The following HPX variants were observed in gnomAD, a reference collection of about 807,000 sequenced individuals.
The protein encoded by HPX is hemopexin.
Under a neutral mutation model 53.8 loss-of-function variants are expected in HPX, and 42 were observed. The ratio of observed to expected loss-of-function variants is 0.78; its 90% CI spans 0.61 to 1.01. HPX has a LOEUF of 1.01. Among genes scored for constraint, HPX ranks in the 50% least tolerant of loss-of-function variants. The pLI, the probability that HPX is intolerant of heterozygous loss-of-function variation, is 0.00. For synonymous variants in HPX, 229 were observed against 221.1 expected (o/e 1.04, Z -0.32); for missense variants, 547 against 594.3 (o/e 0.92, Z 0.83).
intron 7 of HPX, chr11:6,432,301 C>A (rs1849361719): frequency 2.1e-6 from 1 of 466,478 alleles, no homozygotes; most frequent in Non-Finnish European, 3.9e-6. Flanking sequence ...GGCGGGCACT[C>A]CCTAAGGATT....
At position 6,437,069 on chromosome 11, in the gene HPX, T is replaced by G. The variant is rs146231448; in HGVS notation, c.812A>C (p.His271Pro). 4.9e-5 allele frequency: 79 copies of G among 1,613,976 alleles called. No individual in the cohort carries two copies. The highest frequency in any genetic ancestry group is 5.4e-5 in the Non-Finnish European group (64 of 1,180,000). ...ACCACTGAAGGCATAGGTGGCACCA[T>G]GGTTGTCAGACGTCAGTGCAGACAA... Reference protein sequence around the residue: ...LVLSALTSDNHGATYAFSGTH... With the variant: ...LVLSALTSDNPGATYAFSGTH... The change falls in exon 7 of 10, where the codon CAT (histidine) becomes CCT (proline). Residue 271 changes from histidine to proline, a missense_variant. Coordinates refer to ENST00000265983, the MANE Select transcript of HPX (RefSeq NM_000613.3).
Position 6,431,786 on chromosome 11 carries a change from G to C in HPX, c.984C>G (p.Val328=). The C allele has an allele frequency of 6.2e-7, 1 of 1,614,134 alleles. No homozygotes were observed. The highest frequency in any genetic ancestry group is 1.1e-5 in the South Asian group (1 of 91,088). The change falls in exon 9 of 10, where the codon GTC becomes GTG. Residue 328 remains valine, a synonymous_variant. Transcript: ENST00000265983. ...LYLVQGTQVY[V]FLTKGGYTLV... is the part of the protein sequence containing the mutation. ...GGGTATAGCCTCCCTTTGTCAGGAA[G>C]ACATATACCTGGGTGCCCTGGAGGA...
At chr11:6,433,119 G>A (rs1015096712) in intron 7 of HPX, among the ~76,000 whole-genome samples, 3 of 152,182 alleles carry the variant, frequency 2.0e-5, no homozygotes, top group African/African-American at 7.2e-5. Context: ...CTGAGTCCAC[G>A]AAAGCTGAGT....
chr11:6,435,976 T>C (rs1564955235), intron 7 of HPX, among the ~76,000 whole-genome samples: 2 of 152,240 alleles, frequency 1.3e-5, no homozygotes, highest in Non-Finnish European at 2.9e-5. Flanking sequence ...TCTCTCTTTC[T>C]GCATTTCACT....
chr11:6,438,148 A>T (rs1849440148), intron 5 of HPX: 1 of 607,882 alleles, frequency 1.6e-6, no homozygotes, highest in African/African-American at 1.8e-5. Context: ...GACTATTCAC[A>T]CAGAATTACA....
chr11:6,440,051 A>G (rs753371515), intron 4 of HPX, 114 bp downstream of exon 4: 6 of 1,388,500 alleles, frequency 4.3e-6, no homozygotes, highest in Non-Finnish European at 5.1e-6. Flanking sequence ...GGCACATGGG[A>G]AAGAAATCTG....
At chr11:6,433,771 T>C (rs987387366) in intron 7 of HPX, among the ~76,000 whole-genome samples, 3 of 152,250 alleles carry the variant, frequency 2.0e-5, no homozygotes, top group African/African-American at 4.8e-5. Flanking sequence ...CTAGGTAACC[T>C]GGCCACTGCC....
chr11:6,431,652 T>C lies in HPX; in HGVS notation c.1118A>G (p.His373Arg). ...CAGAAGCCCCTCACCTGCCATGATA[T>C]GGAGCCGAGAAGACCCAGGGCAGAT... ...AFICPGSSRL[H>R]IMAGRRLWWL... is the part of the protein sequence containing the mutation. Residue 373 changes from histidine to arginine, a missense_variant, in exon 9 of 10, where the codon CAT becomes CGT. Transcript: ENST00000265983. The C allele has an allele frequency of 1.2e-6, 2 of 1,613,736 alleles. No individual in the cohort carries two copies. Among genetic ancestry groups the C allele is most frequent in the South Asian group, 2.2e-5 (2 of 91,060 alleles).
intron 7 of HPX, among the ~76,000 whole-genome samples, chr11:6,434,006 A>AT (rs1849383221): frequency 6.6e-6 from 1 of 152,104 alleles, no homozygotes. Context: ...ATCCTGTCTT[A>AT]TTTTCTTTAC....
chr11:6,431,178 T>G lies in HPX; in HGVS notation c.*33A>C. ...GTCTTTATTATGAGGAACTAGGAGGTGGGGCCAGGCCAGACTCATGTCAGA... is the reference window on the plus strand; with the variant it reads ...GTCTTTATTATGAGGAACTAGGAGGGGGGGCCAGGCCAGACTCATGTCAGA... On this transcript the variant is annotated 3_prime_UTR_variant, in exon 10 of 10. Coordinates refer to ENST00000265983, the MANE Select transcript of HPX (RefSeq NM_000613.3). The G allele has an allele frequency of 6.2e-7, 1 of 1,610,754 alleles. No individual in the cohort carries two copies.
chr11:6,438,476 T>C lies in HPX; in HGVS notation c.370A>G (p.Lys124Glu), dbSNP rs528200467. ...DKVWVYPPEK[K>E]EKGYPKLLQD... Reference sequence around the variant, plus strand: ...AGCAACTTTGGGTATCCTTTCTCCTTCTTTTCAGGAGGGTATACCCAGACT... The same window carrying C: ...AGCAACTTTGGGTATCCTTTCTCCTCCTTTTCAGGAGGGTATACCCAGACT... The change falls in exon 5 of 10, where the codon AAG becomes GAG. Residue 124 changes from lysine (K) to glutamate (E), a missense_variant. By Grantham distance (56) the Lys-to-Glu change is moderately conservative. Transcript: ENST00000265983. 1 of 1,614,122 alleles carries C rather than the reference T, an allele frequency of 6.2e-7. No homozygotes were observed. Among genetic ancestry groups the C allele is most frequent in the Non-Finnish European group, 8.5e-7 (1 of 1,179,936 alleles).
At chr11:6,436,484 C>A (rs1332694240) in intron 7 of HPX, among the ~76,000 whole-genome samples, 1 of 152,168 alleles carries the variant, frequency 6.6e-6, no homozygotes, top group East Asian at 1.9e-4. Flanking sequence ...GAGGAGAAAC[C>A]TCCAGAGGCT....
In HPX at chr11:6,438,386, A is replaced by C; in HGVS notation, c.460T>G (p.Cys154Gly). Residue 154 changes from cysteine (C) to glycine (G), a missense_variant, in exon 5 of 10, where the codon TGT becomes GGT. Physicochemically the swap from Cys to Gly is radical, Grantham distance 159 (BLOSUM62 -3). Coordinates refer to ENST00000265983, the MANE Select transcript of HPX (RefSeq NM_000613.3). ...DAAVECHRGE[C>G]QAEGVLFFQG... Reference sequence around the variant, plus strand: ...AAGAAGAGGACGCCTTCAGCTTGACATTCTCCACGGTGACATTCCACAGCT... The same window carrying C: ...AAGAAGAGGACGCCTTCAGCTTGACCTTCTCCACGGTGACATTCCACAGCT... 1 of 1,614,178 alleles carries C rather than the reference A, an allele frequency of 6.2e-7. No homozygotes were observed. Among genetic ancestry groups the C allele is most frequent in the Non-Finnish European group, 8.5e-7 (1 of 1,180,032 alleles).
intron 4 of HPX, 111 bp downstream of exon 4, chr11:6,440,054 G>T: frequency 2.1e-6 from 3 of 1,416,584 alleles, no homozygotes; most frequent in South Asian, 1.2e-5. Flanking sequence ...ACATGGGAAA[G>T]AAATCTGCTA....
Position 6,431,233 on chromosome 11 carries a change from C to G in HPX, c.1367G>C (p.Ser456Thr), listed in dbSNP as rs1307933595. ...CCCTCAGTGAGTGCAGCCCAGGAGA[C>G]TGGTCACATTCTGGGGTTGCGGAAG... The part of the protein sequence containing the change: ...KALPQPQNVT[S>T]LLGCTH The change falls in exon 10 of 10, where the codon AGT becomes ACT. Residue 456 changes from serine to threonine, a missense_variant. Transcript: ENST00000265983. 1.9e-6 allele frequency: 3 copies of G among 1,614,124 alleles called. No homozygotes were observed. The highest frequency in any genetic ancestry group is 2.5e-6 in the Non-Finnish European group (3 of 1,180,050).
intron 5 of HPX, 47 bp downstream of exon 5, chr11:6,438,309 A>C: frequency 6.3e-7 from 1 of 1,595,216 alleles, no homozygotes; most frequent in Non-Finnish European, 8.6e-7. Flanking sequence ...TGGCATCACT[A>C]CCAACCCACC....
At position 6,437,164 on chromosome 11, in the gene HPX, CCT is replaced by C; in HGVS notation, c.715_716del (p.Arg239GlufsTer14). Reference protein sequence around the residue: ...MPCPGRGHGHRNGTGHGNSTH... With the variant: ...MPCPGRGHGHXNGTGHGNSTH... ...TACTGTTCCCATGGCCAGTCCCATTCCTGTGTCCATGGCCTGGAGAGAGAAAT... is the reference window on the plus strand; with the variant it reads ...TACTGTTCCCATGGCCAGTCCCATTCGTGTCCATGGCCTGGAGAGAGAAAT... On this transcript the variant is annotated frameshift_variant, in exon 7 of 10. Coordinates refer to ENST00000265983, the MANE Select transcript of HPX (RefSeq NM_000613.3). LOFTEE classifies it high-confidence loss of function. 1.2e-6 allele frequency: 2 copies of C among 1,613,706 alleles called. No homozygotes were observed. The highest frequency in any genetic ancestry group is 1.7e-6 in the Non-Finnish European group (2 of 1,179,812).
chr11:6,431,234 T>C lies in HPX; in HGVS notation c.1366A>G (p.Ser456Gly), dbSNP rs1206551119. The C allele has an allele frequency of 1.9e-6, 3 of 1,614,224 alleles. No individual in the cohort carries two copies. Among genetic ancestry groups the C allele is most frequent in the African/African-American group, 1.3e-5 (1 of 75,056 alleles). Residue 456 changes from serine to glycine, a missense_variant, in exon 10 of 10, where the codon AGT (serine) becomes GGT (glycine). Coordinates refer to ENST00000265983, the MANE Select transcript of HPX (RefSeq NM_000613.3). ...KALPQPQNVTSLLGCTH is the reference protein window; with the variant it reads ...KALPQPQNVTGLLGCTH ...CCTCAGTGAGTGCAGCCCAGGAGACTGGTCACATTCTGGGGTTGCGGAAGG... is the reference window on the plus strand; with the variant it reads ...CCTCAGTGAGTGCAGCCCAGGAGACCGGTCACATTCTGGGGTTGCGGAAGG...
intron 9 of HPX, 68 bp from the exon 10 acceptor site, chr11:6,431,538 G>A (rs1206024799): frequency 1.4e-5 from 23 of 1,607,876 alleles, no homozygotes; most frequent in Non-Finnish European, 2.0e-5. Flanking sequence ...GCCTTCTCAT[G>A]CCCTGGGGAT....
Sources: gnomAD v4.1 joint callset for allele counts (sites outside exome capture counted in the v4.1 genomes callset) on GRCh38, gnomAD v4.1.1 for gene constraint, MANE v1.5 for transcripts, NCBI Gene and HGNC (gene_info 2026-07-23, HGNC 2026-07-21) for gene names.